EZR: variants seen among roughly 807,000 people sequenced by gnomAD.
EZR encodes ezrin.
Under a neutral mutation model 74.8 loss-of-function variants are expected in EZR, and 40 were observed. The ratio of observed to expected loss-of-function variants is 0.53; its 90% CI spans 0.42 to 0.70. The LOEUF is 0.70. Ranked by LOEUF, EZR falls within the 30% of genes least tolerant of loss-of-function variation. The pLI is 0.00. For synonymous variants in EZR, 341 were observed against 283.3 expected (o/e 1.20, Z -2.05); for missense variants, 678 against 755.8 (o/e 0.90, Z 1.21).
At position 158,766,845 on chromosome 6, in the gene EZR, GAC is replaced by G. The variant is rs3062709; in HGVS notation, c.*67_*68del. On this transcript the variant is annotated 3_prime_UTR_variant, in exon 14 of 14. Coordinates refer to ENST00000367075, the MANE Select transcript of EZR (RefSeq NM_001111077.2). ...GAGTTCCTAGACTTGGAGCACTAAA[GAC>G]ACAAGCGTGGCGGGGCTGGCAGCGC... 0.46 allele frequency: 670,848 copies of G among 1,461,154 alleles called. 160,231 individuals are homozygous for G. The highest frequency in any genetic ancestry group is 0.5 in the Non-Finnish European group (526,316 of 1,058,318). 90.5% of individuals were successfully genotyped at this position (1,461,154 alleles called of 1,614,324 possible).
intron 3 of EZR, 83 bp from the exon 4 acceptor site, chr6:158,787,286 G>T: frequency 1.9e-6 from 2 of 1,072,534 alleles, no homozygotes; most frequent in Non-Finnish European, 2.8e-6. Context: ...TCATCACATG[G>T]TCTAGCAGAG....
intron 8 of EZR, among the ~76,000 whole-genome samples, chr6:158,774,819 T>C (rs1295321260): frequency 6.6e-6 from 1 of 151,940 alleles, no homozygotes; most frequent in East Asian, 1.9e-4. Context: ...AGTAGCCTAC[T>C]GATGAAGAGA....
intron 7 of EZR, among the ~76,000 whole-genome samples, chr6:158,783,245 G>C (rs1367635109): frequency 6.7e-6 from 1 of 149,938 alleles, no homozygotes; most frequent in Non-Finnish European, 1.5e-5. Context: ...CTCAGAGGCA[G>C]CGGGGAGGAG....
intron 2 of EZR, among the ~76,000 whole-genome samples, chr6:158,799,223 A>G (rs1777140826): frequency 6.6e-6 from 1 of 152,136 alleles, no homozygotes; most frequent in Non-Finnish European, 1.5e-5. Context: ...GTGAAAAAAA[A>G]TCACCCAGGG....
intron 11 of EZR, among the ~76,000 whole-genome samples, 182 bp downstream of exon 11, chr6:158,769,602 C>T (rs1025525950): frequency 6.6e-6 from 1 of 152,202 alleles, no homozygotes; most frequent in Non-Finnish European, 1.5e-5. Flanking sequence ...ATGCCCACAC[C>T]CACCTTCAAT....
intron 2 of EZR, among the ~76,000 whole-genome samples, chr6:158,797,890 T>C (rs1777106314): frequency 6.6e-6 from 1 of 152,234 alleles, no homozygotes; most frequent in Non-Finnish European, 1.5e-5. Flanking sequence ...GTTTTTAGTA[T>C]ATTCAGAGTT....
At chr6:158,805,873 T>TGCCCACA (rs1450479386) in intron 2 of EZR, among the ~76,000 whole-genome samples, 1 of 152,170 alleles carries the variant, frequency 6.6e-6, no homozygotes, top group African/African-American at 2.4e-5. Flanking sequence ...CCCCCATCCC[T>TGCCCACA]GCCCACAGCC....
chr6:158,802,913 G>A (rs1023790276), intron 2 of EZR, among the ~76,000 whole-genome samples: 2 of 152,094 alleles, frequency 1.3e-5, no homozygotes, highest in African/African-American at 4.8e-5. Flanking sequence ...TATCCTAGGG[G>A]CCGTGTCTCC....
intron 1 of EZR, 132 bp from the exon 2 acceptor site, chr6:158,818,298 C>T: frequency 2.9e-6 from 1 of 344,818 alleles, no homozygotes; most frequent in Non-Finnish European, 5.1e-6. Flanking sequence ...GTCAGCGCCC[C>T]GCCCAGCACT....
intron 8 of EZR, among the ~76,000 whole-genome samples, chr6:158,772,464 T>TG (rs1442079832): frequency 6.6e-6 from 1 of 152,130 alleles, no homozygotes; most frequent in Non-Finnish European, 1.5e-5. Flanking sequence ...GTTCAGGAGG[T>TG]GCTCGGCGCA....
intron 7 of EZR, among the ~76,000 whole-genome samples, chr6:158,777,068 C>G (rs756741324): frequency 2.6e-5 from 4 of 152,256 alleles, no homozygotes; most frequent in Non-Finnish European, 5.9e-5. Flanking sequence ...GGCTGCCTCC[C>G]TTTCCCTTGA....
intron 7 of EZR, 92 bp downstream of exon 7, chr6:158,783,428 T>C: frequency 8.4e-7 from 1 of 1,191,364 alleles, no homozygotes; most frequent in Non-Finnish European, 1.2e-6. Flanking sequence ...GCTAAATAAA[T>C]ACTTCAAAAA....
At chr6:158,786,697 ATG>A (rs1791591772) in intron 4 of EZR, among the ~76,000 whole-genome samples, 1 of 152,166 alleles carries the variant, frequency 6.6e-6, no homozygotes, top group Non-Finnish European at 1.5e-5. Context: ...TTTGAAGAAA[ATG>A]TTTATCTTAC....
rs1461932888 is a variant in EZR, at chr6:158,766,225, C to CACTTGTATA, written c.*680_*688dup. ...AACTAATGTTACAAATCTGTATTAT[C>CACTTGTATA]ACTTGTATATAAATAGTATATAGCT... On this transcript the variant is annotated 3_prime_UTR_variant, in exon 14 of 14. Coordinates refer to ENST00000367075, the MANE Select transcript of EZR (RefSeq NM_001111077.2). 2 of 151,554 alleles carry CACTTGTATA rather than the reference C, an allele frequency of 1.3e-5. No homozygotes were observed. Among genetic ancestry groups the CACTTGTATA allele is most frequent in the African/African-American group, 4.9e-5 (2 of 41,024 alleles). 9.4% of individuals were successfully genotyped at this position (151,554 alleles called of 1,614,324 possible).
At chr6:158,814,372 C>T (rs1777508402) in intron 2 of EZR, among the ~76,000 whole-genome samples, 1 of 45,164 alleles carries the variant, frequency 2.2e-5, no homozygotes, top group Non-Finnish European at 4.8e-5. Flanking sequence ...CTTTCCCCAT[C>T]AGATTTTCCT....
chr6:158,774,671 AAACACACACACAC>A lies in EZR; in HGVS notation c.795+1724_795+1736del, dbSNP rs1791216225. 5.7e-5 allele frequency among the ~76,000 whole-genome samples: 4 copies of A among 69,956 alleles called. No homozygotes were observed. In the South Asian group the frequency reaches 1.5e-3, roughly 26 times the overall value. 45.9% of individuals were successfully genotyped at this position (69,956 alleles called of 152,430 possible). On this transcript the variant is annotated intron_variant, in intron 8 of 13. Coordinates refer to ENST00000367075, the MANE Select transcript of EZR (RefSeq NM_001111077.2). The stretch of plus-strand genomic sequence containing the variant: ...CTTTTCAAGAGATGGACTTATCATC[AAACACACACACAC>A]ACACACACACACACACACACACACA...
At position 158,790,844 on chromosome 6, in the gene EZR, T is replaced by C. The variant is rs922213151; in HGVS notation, c.13-1473A>G. 7.2e-5 allele frequency among the ~76,000 whole-genome samples: 11 copies of C among 152,202 alleles called. 1 individual carries two copies. Among genetic ancestry groups the C allele is most frequent in the Non-Finnish European group, 7.3e-5 (5 of 68,034 alleles). ...TCCCAAAGAAAACAGCAGAGCCACA[T>C]AGCAACTATAATGCTTAATATTAAG... On this transcript the variant is annotated intron_variant, in intron 2 of 13. Transcript: ENST00000367075.
intron 1 of EZR, among the ~76,000 whole-genome samples, chr6:158,818,586 G>C (rs1382835128): frequency 1.4e-5 from 2 of 144,072 alleles, no homozygotes; most frequent in Non-Finnish European, 3.1e-5. Context: ...ACTCGGCCAG[G>C]AGGGTCAGGG....
chr6:158,813,511 A>C (rs1276802358), intron 2 of EZR, among the ~76,000 whole-genome samples: 1 of 152,234 alleles, frequency 6.6e-6, no homozygotes, highest in African/African-American at 2.4e-5. Context: ...GCCACATGGC[A>C]AAATGTTAGC....
Sources: allele counts gnomAD v4.1 joint callset (sites outside exome capture counted in the v4.1 genomes callset), GRCh38; gene constraint gnomAD v4.1.1; transcripts MANE v1.5; gene names NCBI Gene and HGNC (gene_info 2026-07-23, HGNC 2026-07-21).